AGK: variants seen among roughly 807,000 people sequenced by gnomAD.
AGK encodes acylglycerol kinase, mitochondrial.
In AGK, 52 loss-of-function variants were observed where a neutral mutation model predicts 66.4. The ratio of observed to expected loss-of-function variants is 0.78; its 90% CI spans 0.63 to 0.99. The LOEUF is 0.99. Among genes scored for constraint, AGK ranks in the 50% least tolerant of loss-of-function variants. The pLI, the probability that AGK is intolerant of heterozygous loss-of-function variation, is 0.00. For missense variants in AGK, 451 were observed against 506.6 expected, an observed-to-expected ratio of 0.89 and a Z score of 1.05; for synonymous variants, 182 against 181.1, an observed-to-expected ratio of 1.00 and a Z score of -0.04.
intron 13 of AGK, among the ~76,000 whole-genome samples, chr7:141,644,112 TTC>T (rs1797350883): frequency 6.6e-6 from 1 of 152,118 alleles, no homozygotes; most frequent in Non-Finnish European, 1.5e-5. Flanking sequence ...AAAAAATAGA[TTC>T]TGTTCCAGAG....
At position 141,554,458 on chromosome 7, in the gene AGK, T is replaced by C. The variant is rs180811918; in HGVS notation, c.-14-995T>C. Among the ~76,000 whole-genome samples the C allele has an allele frequency of 2.3e-3, 351 of 152,336 alleles. 4 individuals are homozygous for C. The highest frequency in any genetic ancestry group is 7.7e-3 in the African/African-American group (319 of 41,572). Reference sequence around the variant, plus strand: ...TATATATGGCTTTTTATCCTGCTAATTTTACTTAACATTATGTTTTGGGTT... The same window carrying C: ...TATATATGGCTTTTTATCCTGCTAACTTTACTTAACATTATGTTTTGGGTT... On this transcript the variant is annotated intron_variant, in intron 1 of 15. Coordinates refer to ENST00000649286, the MANE Select transcript of AGK (RefSeq NM_018238.4).
At position 141,559,656 on chromosome 7, in the gene AGK, G is replaced by A. The variant is rs1395137740; in HGVS notation, c.101+4089G>A. Among the ~76,000 whole-genome samples, 7 of 152,158 alleles carry A rather than the reference G, an allele frequency of 4.6e-5. No homozygotes were observed. The East Asian group carries it at 1.4e-3, about 29-fold the overall frequency. On this transcript the variant is annotated intron_variant, in intron 2 of 15. Transcript: ENST00000649286. ...TCTATTTTTGCAAAAAATGCCATTG[G>A]GATTGCATTGAATCTGTACATTGTT...
Position 141,639,807 on chromosome 7 carries a change from C to T in AGK, c.727-1441C>T, listed in dbSNP as rs143334325. On this transcript the variant is annotated intron_variant, in intron 11 of 15. Transcript: ENST00000649286. ...GACTGCTTTTCCCTGTATTAATACT[C>T]AGCAGGAGTATCATTTTCTTCTCTA... Among the ~76,000 whole-genome samples, 206 of 152,246 alleles carry T rather than the reference C, an allele frequency of 1.4e-3. 2 individuals carry two copies. The highest frequency in any genetic ancestry group is 4.8e-3 in the African/African-American group (198 of 41,544).
rs988547435 is a variant in AGK at position 141,650,655 on chromosome 7, G to A, written c.1047-870G>A. 5.1e-6 allele frequency: 5 copies of A among 985,248 alleles called. No individual in the cohort carries two copies. The African/African-American group carries it at 8.7e-5, about 17-fold the overall frequency. The allele number at this position is 985,248 out of a possible 1,614,324, so 61.0% of individuals were successfully genotyped here. A position where few individuals can be genotyped will look rare whatever the true frequency, so the allele number is the denominator to read the frequency against. Reference sequence around the variant, plus strand: ...CCTAAAAGATACATCTGCATGAGGTGGAGTGTGTGTCTGTATATGCGCTGG... The same window carrying A: ...CCTAAAAGATACATCTGCATGAGGTAGAGTGTGTGTCTGTATATGCGCTGG... On this transcript the variant is annotated intron_variant, in intron 14 of 15. Transcript: ENST00000649286.
chr7:141,650,402 AG>A, intron 14 of AGK: 1 of 534,740 alleles, frequency 1.9e-6, no homozygotes, highest in Non-Finnish European at 2.4e-6. Context: ...TCTATTGCTA[AG>A]GTTAGGCGAA....
rs377480915 is a variant in AGK, at chr7:141,565,862, T to C, written c.101+10295T>C. On this transcript the variant is annotated intron_variant, in intron 2 of 15. Transcript: ENST00000649286. ...CTCCTCACTGTTCTGGCACCTACTTTTGCCTGTTCCTAATCCATTTTGGAT... is the reference window on the plus strand; with the variant it reads ...CTCCTCACTGTTCTGGCACCTACTTCTGCCTGTTCCTAATCCATTTTGGAT... Among the ~76,000 whole-genome samples, 54 of 152,322 alleles carry C rather than the reference T, an allele frequency of 3.5e-4. 2 individuals are homozygous for C. The South Asian group carries it at 0.01, about 29-fold the overall frequency.
At chr7:141,551,805 G>A (rs1795094303) in intron 1 of AGK, among the ~76,000 whole-genome samples, 1 of 152,000 alleles carries the variant, frequency 6.6e-6, no homozygotes, top group Non-Finnish European at 1.5e-5. Context: ...CAGATCCATT[G>A]ATGGGTTGGT....
intron 2 of AGK, among the ~76,000 whole-genome samples, chr7:141,566,310 C>G (rs1445555706): frequency 2.0e-5 from 3 of 152,206 alleles, no homozygotes; most frequent in African/African-American, 7.2e-5. Flanking sequence ...TTATAAGACT[C>G]TACAGGCAGG....
At position 141,555,550 on chromosome 7, in the gene AGK, G is replaced by C; in HGVS notation, c.84G>C (p.Trp28Cys). The change falls in exon 2 of 16, where the codon TGG (tryptophan) becomes TGC (cysteine). Residue 28 changes from tryptophan to cysteine, a missense_variant. Trp to Cys is a radical substitution (Grantham distance 215). Coordinates refer to ENST00000649286, the MANE Select transcript of AGK (RefSeq NM_018238.4). The surrounding 1 kb of genome is among the most constrained non-coding windows in gnomAD (Gnocchi z 4.2). ...GLCLLTWGGH[W>C]LYGKHCDNLL... ...GCCTGCTGACCTGGGGAGGCCATTG[G>C]CTCTATGGAAAACACTGGTAACTAT... 1 of 1,613,618 alleles carries C rather than the reference G, an allele frequency of 6.2e-7. No individual in the cohort carries two copies. The highest frequency in any genetic ancestry group is 8.5e-7 in the Non-Finnish European group (1 of 1,179,766).
At chr7:141,623,745 A>G (rs1796876552) in intron 9 of AGK, among the ~76,000 whole-genome samples, 4 of 152,222 alleles carry the variant, frequency 2.6e-5, no homozygotes, top group African/African-American at 9.6e-5. Flanking sequence ...ATACTAAACA[A>G]CAGGTTTTCT....
intron 10 of AGK, among the ~76,000 whole-genome samples, chr7:141,634,749 T>C (rs893010932): frequency 3.9e-5 from 6 of 152,044 alleles, no homozygotes; most frequent in Non-Finnish European, 8.8e-5. Context: ...ACAGTTTGAG[T>C]ATAGTTTAAA....
intron 14 of AGK, among the ~76,000 whole-genome samples, chr7:141,649,791 T>C (rs1797512088): frequency 6.6e-6 from 1 of 152,264 alleles, no homozygotes; most frequent in Non-Finnish European, 1.5e-5. Context: ...TTTTTATATT[T>C]TGAAGCACTT....
intron 13 of AGK, among the ~76,000 whole-genome samples, chr7:141,646,187 G>A (rs1562985605): frequency 6.6e-6 from 1 of 152,044 alleles, no homozygotes; most frequent in Admixed American, 6.5e-5. Context: ...GAGGAGAGCC[G>A]CACCCAGAAC....
At chr7:141,644,035 A>C (rs902042703) in intron 13 of AGK, among the ~76,000 whole-genome samples, 1 of 152,114 alleles carries the variant, frequency 6.6e-6, no homozygotes, top group Non-Finnish European at 1.5e-5. Context: ...TAATGTAGGC[A>C]GTCCTTTTTT....
At chr7:141,634,074 A>G in intron 10 of AGK, 94 bp downstream of exon 10, 1 of 1,123,300 alleles carries the variant, frequency 8.9e-7, no homozygotes, top group Non-Finnish European at 1.3e-6. Context: ...TCTTCTGGGA[A>G]TAAATTTGGT....
intron 2 of AGK, among the ~76,000 whole-genome samples, chr7:141,576,546 G>A (rs564469221): frequency 6.7e-6 from 1 of 149,938 alleles, no homozygotes; most frequent in Admixed American, 6.7e-5. Flanking sequence ...ATGACCAGGG[G>A]AACAGATTTG....
chr7:141,584,002 T>G (rs1795940847), intron 2 of AGK, among the ~76,000 whole-genome samples: 2 of 151,896 alleles, frequency 1.3e-5, no homozygotes, highest in African/African-American at 4.9e-5. Context: ...GGGATTGATC[T>G]CCCAAGGGAG....
chr7:141,641,431 C>A (rs771563602), intron 12 of AGK, 33 bp downstream of exon 12: 1 of 1,596,884 alleles, frequency 6.3e-7, no homozygotes, highest in East Asian at 2.2e-5. Context: ...ATTGGAGGGC[C>A]CTGGTCAGTT....
chr7:141,556,242 T>G (rs965875401), intron 2 of AGK, among the ~76,000 whole-genome samples: 6 of 151,788 alleles, frequency 4.0e-5, no homozygotes, highest in Admixed American at 3.3e-4. Flanking sequence ...AGCAGAGGGG[T>G]GACTTTGAAT....
Sources: allele counts gnomAD v4.1 joint callset (sites outside exome capture counted in the v4.1 genomes callset), GRCh38; gene constraint gnomAD v4.1.1; non-coding constraint Gnocchi (gnomAD v3.1); transcripts MANE v1.5; gene names NCBI Gene and HGNC (gene_info 2026-07-23, HGNC 2026-07-21).